TSPEAR: variants seen among roughly 807,000 people sequenced by gnomAD.
TSPEAR encodes the protein thrombospondin-type laminin G domain and EAR repeat-containing protein.
TSPEAR carries 69 observed loss-of-function variants against 71.6 expected under a neutral mutation model. That is an observed-to-expected ratio of 0.96 (90% confidence interval 0.79 to 1.18). TSPEAR has a LOEUF of 1.18. TSPEAR is among the 50% of genes most tolerant of loss of function. The pLI is 0.00. For missense variants in TSPEAR, 971 were observed against 894.9 expected (o/e 1.09, Z -1.09); for synonymous variants, 402 against 387.2 (o/e 1.04, Z -0.45).
At chr21:44,654,426 G>A in intron 1 of TSPEAR, 8 of 1,614,148 alleles carry the variant, frequency 5.0e-6, no homozygotes, top group Non-Finnish European at 6.8e-6. Context: ...GGCAGGGGCT[G>A]GGCACACAGC....
At chr21:44,648,679 C>A (rs587605849) in intron 1 of TSPEAR, among the ~76,000 whole-genome samples, 83 of 152,328 alleles carry the variant, frequency 5.4e-4, no homozygotes, top group African/African-American at 1.9e-3. Context: ...GTGCAGCCAG[C>A]GGGCAGACGC....
chr21:44,607,747 AT>A (rs1981406109), intron 1 of TSPEAR, among the ~76,000 whole-genome samples: 1 of 152,126 alleles, frequency 6.6e-6, no homozygotes, highest in South Asian at 2.1e-4. Flanking sequence ...ACTCTCCAAC[AT>A]TTGCTGGGGT....
At chr21:44,569,894 G>A (rs1270962740) in intron 1 of TSPEAR, among the ~76,000 whole-genome samples, 2 of 152,114 alleles carry the variant, frequency 1.3e-5, no homozygotes, top group African/African-American at 4.8e-5. Context: ...TCTGATGTTG[G>A]CCCAAGCCTC....
chr21:44,532,410 G>A (rs1462641695), intron 3 of TSPEAR, among the ~76,000 whole-genome samples: 5 of 152,294 alleles, frequency 3.3e-5, no homozygotes, highest in African/African-American at 1.2e-4. Flanking sequence ...GCTGCTGCTA[G>A]GTCAGGTTGT....
rs929725051 is a variant in TSPEAR, at chr21:44,623,430, T to C, written c.83-55425A>G. On this transcript the variant is annotated intron_variant, in intron 1 of 11. Coordinates refer to ENST00000323084, the MANE Select transcript of TSPEAR (RefSeq NM_144991.3). The surrounding 1 kb of genome is among the most constrained non-coding windows in gnomAD (Gnocchi z 4.5). The stretch of plus-strand genomic sequence containing the variant: ...TGAATTTTGTGATCTTCTTGCCATG[T>C]ATTTCATTTCTATAAATATTTTACA... Among the ~76,000 whole-genome samples, 7 of 152,280 alleles carry C rather than the reference T, an allele frequency of 4.6e-5. No individual in the cohort carries two copies. Among genetic ancestry groups the C allele is most frequent in the African/African-American group, 7.2e-5 (3 of 41,472 alleles).
chr21:44,514,413 G>A (rs931443096), intron 9 of TSPEAR, among the ~76,000 whole-genome samples: 65 of 152,286 alleles, frequency 4.3e-4, no homozygotes, highest in African/African-American at 1.3e-3. Context: ...TTGAGCCATG[G>A]GCGGGACCCT....
At chr21:44,514,564 C>T (rs782510551) in intron 9 of TSPEAR, among the ~76,000 whole-genome samples, 3 of 152,218 alleles carry the variant, frequency 2.0e-5, no homozygotes, top group Non-Finnish European at 4.4e-5. Context: ...AGCTGCAACA[C>T]CTTCTGAGGT....
At chr21:44,558,148 G>A (rs587691788) in intron 2 of TSPEAR, 212 of 1,612,802 alleles carry the variant, frequency 1.3e-4, no homozygotes, top group Middle Eastern at 5.0e-4. Flanking sequence ...GAGGCCGGGC[G>A]GCAGCAGCTG....
intron 1 of TSPEAR, among the ~76,000 whole-genome samples, chr21:44,608,425 C>A (rs587769569): frequency 6.6e-6 from 1 of 152,206 alleles, no homozygotes; most frequent in East Asian, 1.9e-4. Context: ...TGGACGTTGG[C>A]AAATGCAACC....
chr21:44,514,755 C>T (rs1472255613), intron 9 of TSPEAR, among the ~76,000 whole-genome samples: 2 of 152,122 alleles, frequency 1.3e-5, no homozygotes, highest in Admixed American at 6.5e-5. Flanking sequence ...CCTGGTGTCT[C>T]CAACCTGGAA....
At chr21:44,708,475 A>G (rs571273230) in intron 1 of TSPEAR, among the ~76,000 whole-genome samples, 20 of 152,150 alleles carry the variant, frequency 1.3e-4, no homozygotes, top group Admixed American at 3.3e-4. Flanking sequence ...GCACCAGTGG[A>G]AGTAGGAGGG....
At chr21:44,503,393 C>A (rs1415927316) in intron 11 of TSPEAR, among the ~76,000 whole-genome samples, 6 of 116,272 alleles carry the variant, frequency 5.2e-5, no homozygotes, top group African/African-American at 2.1e-4. Context: ...CGGCGGGAAG[C>A]AAGGCTCTGG....
intron 1 of TSPEAR, chr21:44,647,514 TGTCTGGGAA>T (rs1384628550): frequency 2.4e-5 from 21 of 882,904 alleles, no homozygotes; most frequent in Non-Finnish European, 3.6e-5. Flanking sequence ...TCCTCCCCAC[TGTCTGGGAA>T]GAGACAACCC....
chr21:44,551,646 C>T, intron 2 of TSPEAR: 4 of 816,332 alleles, frequency 4.9e-6, no homozygotes, highest in Non-Finnish European at 7.5e-6. Context: ...GCCGGGAGGA[C>T]CCTCATTATT....
intron 3 of TSPEAR, among the ~76,000 whole-genome samples, chr21:44,532,797 G>A (rs1297266524): frequency 4.6e-5 from 7 of 152,184 alleles, no homozygotes; most frequent in Non-Finnish European, 7.3e-5. Context: ...CAAACCAGGC[G>A]ACGGCAAAAA....
rs1446142220 is a variant in TSPEAR at position 44,533,899 on chromosome 21, C to T, written c.328G>A (p.Val110Met). Residue 110 changes from valine to methionine, a missense_variant, in exon 3 of 12, where the codon GTG (valine) becomes ATG (methionine). By Grantham distance (21) the Val-to-Met change is conservative (BLOSUM62 1). Coordinates refer to ENST00000323084, the MANE Select transcript of TSPEAR (RefSeq NM_144991.3). The stretch of plus-strand genomic sequence containing the variant: ...AGCAGCAGGTCGCTCTCCTCTGCCA[C>T]CACCGTCAGCAGGTACTCGTTCCTC... ...PKRNEYLLTV[V>M]AEESDLLLLG... The T allele has an allele frequency of 6.2e-6, 10 of 1,611,624 alleles. No homozygotes were observed. Among genetic ancestry groups the T allele is most frequent in the Non-Finnish European group, 8.5e-6 (10 of 1,179,596 alleles).
chr21:44,688,755 C>T (rs1299080258), intron 1 of TSPEAR, among the ~76,000 whole-genome samples: 3 of 151,996 alleles, frequency 2.0e-5, no homozygotes, highest in Non-Finnish European at 2.9e-5. Flanking sequence ...TGTGGACTGC[C>T]GACCAGGGCA....
chr21:44,671,613 A>G (rs1986058789), intron 1 of TSPEAR, among the ~76,000 whole-genome samples: 1 of 152,262 alleles, frequency 6.6e-6, no homozygotes, highest in Non-Finnish European at 1.5e-5. Context: ...CAAAGAAATC[A>G]TACAGAGACT....
At chr21:44,707,887 G>C (rs968797216) in intron 1 of TSPEAR, among the ~76,000 whole-genome samples, 1 of 152,150 alleles carries the variant, frequency 6.6e-6, no homozygotes, top group South Asian at 2.1e-4. Flanking sequence ...TGGACAGTCT[G>C]TTCCCAGTGT....
Sources: gnomAD v4.1 joint callset for allele counts (sites outside exome capture counted in the v4.1 genomes callset) on GRCh38, gnomAD v4.1.1 for gene constraint, Gnocchi (gnomAD v3.1) non-coding constraint, MANE v1.5 for transcripts, NCBI Gene and HGNC (gene_info 2026-07-23, HGNC 2026-07-21) for gene names.